Variants in TLK1 observed in about 807,000 individuals in gnomAD.
TLK1 encodes the protein tousled like kinase 1.
In TLK1, 24 loss-of-function variants were observed where a neutral mutation model predicts 105.3. The ratio of observed to expected loss-of-function variants is 0.23; its 90% CI spans 0.17 to 0.32. TLK1 has a LOEUF of 0.32. Ranked by LOEUF, TLK1 falls within the 10% of genes least tolerant of loss-of-function variation. The pLI is 1.00. For synonymous variants in TLK1, 321 were observed against 310.4 expected (o/e 1.03, Z -0.36); for missense variants, 558 against 910.5 (o/e 0.61, Z 4.98).
Position 171,227,568 on chromosome 2 carries a change from CTTTTTTTTTTTTT to C in TLK1, c.-6+3564_-6+3576del, listed in dbSNP as rs71401413. ...AGTTAGTCATGAGTTAGTAAATCTC[CTTTTTTTTTTTTT>C]TTTTTTTTTTTTTTTTTGTTTAAGC... On this transcript the variant is annotated intron_variant, in intron 1 of 20. Transcript: ENST00000521943. Among the ~76,000 whole-genome samples the C allele has an allele frequency of 4.3e-4, 24 of 55,518 alleles. No homozygotes were observed. The East Asian group carries it at 4.4e-3, about 10-fold the overall frequency. The allele number at this position is 55,518 out of a possible 152,430, so 36.4% of individuals were successfully genotyped here. A position where few individuals can be genotyped will look rare whatever the true frequency, so the allele number is the denominator to read the frequency against.
chr2:171,152,653 G>T (rs1434044942), intron 1 of TLK1, among the ~76,000 whole-genome samples: 3 of 152,090 alleles, frequency 2.0e-5, no homozygotes, highest in Non-Finnish European at 4.4e-5. Flanking sequence ...CAGAGTCAAA[G>T]ATCTGCCACT....
intron 2 of TLK1, among the ~76,000 whole-genome samples, chr2:171,111,989 T>C (rs560926132): frequency 1.8e-4 from 27 of 152,366 alleles, no homozygotes; most frequent in African/African-American, 6.5e-4. Context: ...TCTTGCTCTG[T>C]GGCCCAGGCT....
intron 1 of TLK1, among the ~76,000 whole-genome samples, chr2:171,186,551 A>G (rs1274492449): frequency 2.0e-5 from 3 of 152,180 alleles, no homozygotes; most frequent in Non-Finnish European, 4.4e-5. Context: ...CAGTGACTCA[A>G]TTAAGAAGCG....
At position 171,160,225 on chromosome 2, in the gene TLK1, G is replaced by GGGCGCGGGGGTCCGC; in HGVS notation, c.139+50_139+64dup. 7.8e-7 allele frequency: 1 copy of GGGCGCGGGGGTCCGC among 1,286,280 alleles called. No homozygotes were observed. Among genetic ancestry groups the GGGCGCGGGGGTCCGC allele is most frequent in the Non-Finnish European group, 9.9e-7 (1 of 1,012,318 alleles). The allele number at this position is 1,286,280 out of a possible 1,614,324, so 79.7% of individuals were successfully genotyped here. A position where few individuals can be genotyped will look rare whatever the true frequency, so the allele number is the denominator to read the frequency against. On this transcript the variant is annotated intron_variant, in intron 1 of 20. Transcript: ENST00000431350. This position sits in a 1 kb window ranked among gnomAD's most constrained non-coding sequence, Gnocchi z 4.4. Reference sequence around the variant, plus strand: ...CCCCGGGGCGGGGGGGGCGGGGGGGGGGCGCGGGGGTCCGCGGCGCGGGAG... The same window carrying GGGCGCGGGGGTCCGC: ...CCCCGGGGCGGGGGGGGCGGGGGGGGGGCGCGGGGGTCCGCGGCGCGGGGGTCCGCGGCGCGGGAG...
rs375020873 is a variant in TLK1, at chr2:171,173,917, CTCCCCATT to C, written c.-5-56068_-5-56061del. Among the ~76,000 whole-genome samples, 550 of 152,264 alleles carry C rather than the reference CTCCCCATT, an allele frequency of 3.6e-3. 6 individuals carry two copies. The highest frequency in any genetic ancestry group is 0.012 in the African/African-American group (509 of 41,556). ...TGAGAGTCATTCTTGTCACCCCCAG[CTCCCCATT>C]TCCCATACCTCCATCCCTTGCCACT... On this transcript the variant is annotated intron_variant, in intron 1 of 20. Coordinates refer to the TLK1 transcript ENST00000521943.
At chr2:171,035,337 G>A (rs932918309) in intron 11 of TLK1, among the ~76,000 whole-genome samples, 22 of 89,416 alleles carry the variant, frequency 2.5e-4, no homozygotes, top group East Asian at 1.3e-3. Flanking sequence ...GCAAAACTCC[G>A]TCTCAAAAAA....
At chr2:171,059,544 A>G (rs537708663) in intron 4 of TLK1, among the ~76,000 whole-genome samples, 10 of 152,122 alleles carry the variant, frequency 6.6e-5, no homozygotes, top group Admixed American at 3.9e-4. Context: ...TCTTTTTTTA[A>G]ATTTCTGACA....
At chr2:171,081,524 T>G in intron 3 of TLK1, 1 of 517,876 alleles carries the variant, frequency 1.9e-6, no homozygotes. Context: ...TTGATACACT[T>G]TTTAAAAAAC....
At chr2:171,090,452 T>TATATC (rs1689179293) in intron 2 of TLK1, among the ~76,000 whole-genome samples, 1 of 151,794 alleles carries the variant, frequency 6.6e-6, no homozygotes, top group South Asian at 2.1e-4. Context: ...GAGTGCTGCT[T>TATATC]ACATCACTGT....
intron 1 of TLK1, among the ~76,000 whole-genome samples, chr2:171,190,550 A>G (rs1693126661): frequency 1.3e-5 from 2 of 152,230 alleles, no homozygotes; most frequent in Admixed American, 1.3e-4. Flanking sequence ...GACATTTCCA[A>G]CTTATGATGC....
chr2:171,044,969 C>A (rs1170576203), intron 11 of TLK1, among the ~76,000 whole-genome samples: 1 of 152,066 alleles, frequency 6.6e-6, no homozygotes, highest in Admixed American at 6.6e-5. Context: ...ACAGGCAACT[C>A]TTTGAAGAAG....
At chr2:171,010,921 T>C (rs1684884920) in intron 14 of TLK1, among the ~76,000 whole-genome samples, 1 of 152,216 alleles carries the variant, frequency 6.6e-6, no homozygotes, top group South Asian at 2.1e-4. Context: ...GGACAGTCTT[T>C]GGATTCTGGA....
Position 170,993,802 on chromosome 2 carries a change from G to T in TLK1, c.2279C>A (p.Ser760Tyr), listed in dbSNP as rs771992159. The T allele has an allele frequency of 1.3e-6, 2 of 1,597,170 alleles. No individual in the cohort carries two copies. Among genetic ancestry groups the T allele is most frequent in the South Asian group, 2.3e-5 (2 of 87,274 alleles). Residue 760 changes from serine (S) to tyrosine (Y), a missense_variant, in exon 21 of 21, where the codon TCT becomes TAT. Ser to Tyr is a moderately radical substitution (Grantham distance 144). Around this residue, in one of 5 missense-constraint regions of TLK1, gnomAD observed 27 missense variants for 22.5 expected, o/e 1.20. Coordinates refer to ENST00000431350, the MANE Select transcript of TLK1 (RefSeq NM_012290.5). ...AAGTCAGTAAGTAATTATGCTTGAA[G>T]AAGGGGGTGTAGGGGATGCTGTCAG... ...AGLTASPTPPSSSIITY is the reference protein window; with the variant it reads ...AGLTASPTPPYSSIITY
chr2:171,075,682 A>G (rs1688469218), intron 3 of TLK1, among the ~76,000 whole-genome samples: 1 of 152,186 alleles, frequency 6.6e-6, no homozygotes. Context: ...AAATATCCCA[A>G]CTTCAGTAAG....
intron 1 of TLK1, among the ~76,000 whole-genome samples, chr2:171,140,834 ATAAT>A (rs1382535728): frequency 6.6e-6 from 1 of 152,250 alleles, no homozygotes; most frequent in Non-Finnish European, 1.5e-5. Context: ...AGGTATCTAG[ATAAT>A]TAAGTTATCA....
chr2:171,092,967 A>C (rs1006470680), intron 2 of TLK1, among the ~76,000 whole-genome samples: 2 of 152,148 alleles, frequency 1.3e-5, no homozygotes, highest in African/African-American at 2.4e-5. Context: ...TAAGAACATA[A>C]TATTAAAGCA....
At chr2:171,021,724 C>T (rs559549423) in intron 12 of TLK1, among the ~76,000 whole-genome samples, 1 of 152,218 alleles carries the variant, frequency 6.6e-6, no homozygotes, top group East Asian at 1.9e-4. Context: ...TAGTTACAAA[C>T]CCTGCTGATG....
At chr2:171,053,917 T>C (rs1575556754) in intron 7 of TLK1, 64 bp from the exon 8 acceptor site, 7 of 1,169,364 alleles carry the variant, frequency 6.0e-6, no homozygotes, top group East Asian at 5.2e-5. Flanking sequence ...AACATAAAAC[T>C]AGATTTTACT....
At chr2:171,163,013 A>G (rs757097479), upstream of TLK1, among the ~76,000 whole-genome samples, 1 of 152,122 alleles carries the variant, frequency 6.6e-6, no homozygotes, top group Non-Finnish European at 1.5e-5. Flanking sequence ...GCTGGTCTCA[A>G]TCTCCTGACC....
Sources: gnomAD v4.1 joint callset for allele counts (sites outside exome capture counted in the v4.1 genomes callset) on GRCh38, gnomAD v4.1.1 for gene constraint, gnomAD v4.1.1 regional missense constraint, Gnocchi (gnomAD v3.1) non-coding constraint, MANE v1.5 for transcripts, NCBI Gene and HGNC (gene_info 2026-07-23, HGNC 2026-07-21) for gene names.